IFT88: variants seen among roughly 807,000 people sequenced by gnomAD.
IFT88 encodes intraflagellar transport protein 88 homolog.
Under a neutral mutation model 119.5 loss-of-function variants are expected in IFT88, and 74 were observed. The observed-to-expected ratio is 0.62, with a 90% CI of 0.51 to 0.75. The LOEUF is 0.75. Ranked by LOEUF, IFT88 falls within the 30% of genes least tolerant of loss-of-function variation. The probability of loss-of-function intolerance (pLI) is 0.00; values close to 1 mark genes in which losing one functional copy is unlikely to be tolerated. For synonymous variants in IFT88, 279 were observed against 316.7 expected, an observed-to-expected ratio of 0.88 and a Z score of 1.26; for missense variants, 961 against 977.7, an observed-to-expected ratio of 0.98 and a Z score of 0.23.
intron 10 of IFT88, 67 bp from the exon 11 acceptor site, chr13:20,599,384 G>A: frequency 1.7e-6 from 1 of 596,352 alleles, no homozygotes; most frequent in Non-Finnish European, 2.9e-6. Flanking sequence ...TGAATTAAAA[G>A]TCATCTAAAA....
At chr13:20,600,622 T>A (rs2042432871) in intron 11 of IFT88, among the ~76,000 whole-genome samples, 1 of 152,134 alleles carries the variant, frequency 6.6e-6, no homozygotes, top group African/African-American at 2.4e-5. Context: ...AAAGAAACAA[T>A]AAGTTTTGGT....
chr13:20,603,846 C>T (rs1224004017), intron 12 of IFT88, among the ~76,000 whole-genome samples: 9 of 151,472 alleles, frequency 5.9e-5, no homozygotes, highest in South Asian at 2.1e-4. Flanking sequence ...TGCAGTGAGC[C>T]GTGATCACAC....
chr13:20,686,464 G>A (rs1239804243), intron 24 of IFT88, among the ~76,000 whole-genome samples: 1 of 152,168 alleles, frequency 6.6e-6, no homozygotes, highest in Non-Finnish European at 1.5e-5. Context: ...ATCTCCTTTT[G>A]CCTCTGCTGG....
Position 20,653,899 on chromosome 13 carries a change from TG to T in IFT88, c.1974del (p.Met659TrpfsTer2). The T allele has an allele frequency of 6.3e-7, 1 of 1,585,696 alleles. No individual in the cohort carries two copies. On this transcript the variant is annotated frameshift_variant, in exon 21 of 26. Transcript: ENST00000351808. LOFTEE classifies it high-confidence loss of function. ...AGGCCTACACAAGTGAAATGGCAGCTGATGGTAGCTAGTTGTTTCAGAAGAA... is the reference window on the plus strand; with the variant it reads ...AGGCCTACACAAGTGAAATGGCAGCTATGGTAGCTAGTTGTTTCAGAAGAA... ...LIQPTQVKWQ[L>X]MVASCFRRSG...
At chr13:20,680,360 A>G (rs565666692) in intron 24 of IFT88, among the ~76,000 whole-genome samples, 60 of 152,234 alleles carry the variant, frequency 3.9e-4, no homozygotes, top group South Asian at 6.2e-4. Flanking sequence ...TCTATCATCT[A>G]TAGAACTAGG....
chr13:20,681,248 G>A (rs2057293479), intron 24 of IFT88, among the ~76,000 whole-genome samples: 2 of 152,206 alleles, frequency 1.3e-5, no homozygotes, highest in South Asian at 4.1e-4. Flanking sequence ...AGAAGATGCC[G>A]TTTAATACAG....
chr13:20,583,450 GTTTA>G (rs2039090018), intron 3 of IFT88, among the ~76,000 whole-genome samples: 1 of 152,026 alleles, frequency 6.6e-6, no homozygotes, highest in Non-Finnish European at 1.5e-5. Flanking sequence ...ACCACATTTT[GTTTA>G]TTCATTCATC....
chr13:20,580,782 T>C (rs141680425), intron 2 of IFT88, among the ~76,000 whole-genome samples: 2 of 148,718 alleles, frequency 1.3e-5, no homozygotes, highest in African/African-American at 5.0e-5. Context: ...GTGGAGTGCA[T>C]TGGCGCGACC....
At chr13:20,679,764 C>G (rs1270397161) in intron 24 of IFT88, among the ~76,000 whole-genome samples, 2 of 152,170 alleles carry the variant, frequency 1.3e-5, no homozygotes, top group Admixed American at 1.3e-4. Flanking sequence ...TATTTTCCTT[C>G]CCAAATCTTT....
intron 13 of IFT88, among the ~76,000 whole-genome samples, chr13:20,606,325 C>T (rs1259785087): frequency 6.6e-6 from 1 of 152,144 alleles, no homozygotes; most frequent in African/African-American, 2.4e-5. Flanking sequence ...CCAGTTGTAA[C>T]AAAGCCCTCC....
At chr13:20,671,965 A>G (rs2055949657) in intron 24 of IFT88, among the ~76,000 whole-genome samples, 1 of 152,138 alleles carries the variant, frequency 6.6e-6, no homozygotes, top group African/African-American at 2.4e-5. Flanking sequence ...TGTGTGCCAA[A>G]CACTGTGCTA....
intron 14 of IFT88, among the ~76,000 whole-genome samples, chr13:20,624,395 C>T (rs889107591): frequency 7.2e-5 from 11 of 152,100 alleles, no homozygotes; most frequent in African/African-American, 2.7e-4. Flanking sequence ...CTCCCCGAAC[C>T]CTGTCCTCTT....
chr13:20,656,299 A>G, intron 21 of IFT88, 66 bp from the exon 22 acceptor site: 1 of 656,404 alleles, frequency 1.5e-6, no homozygotes, highest in Admixed American at 3.0e-5. Context: ...AGTTAAAATT[A>G]ATATTTTTCT....
intron 22 of IFT88, among the ~76,000 whole-genome samples, chr13:20,661,431 C>T (rs2053760331): frequency 6.6e-6 from 1 of 152,124 alleles, no homozygotes; most frequent in South Asian, 2.1e-4. Context: ...CAAAAAAAGA[C>T]AGTTTATAAA....
chr13:20,614,180 A>G (rs573870363), intron 13 of IFT88, among the ~76,000 whole-genome samples: 1 of 152,340 alleles, frequency 6.6e-6, no homozygotes, highest in South Asian at 2.1e-4. Flanking sequence ...ACCAAGTAGG[A>G]TTAATTCGAA....
At chr13:20,607,778 T>A (rs1192772195) in intron 13 of IFT88, 1 of 745,536 alleles carries the variant, frequency 1.3e-6, no homozygotes, top group Non-Finnish European at 2.5e-6. Context: ...TTCAGCATCC[T>A]CAACCTCGTC....
chr13:20,679,116 CTG>C (rs1393627140), intron 24 of IFT88, among the ~76,000 whole-genome samples: 1 of 152,186 alleles, frequency 6.6e-6, no homozygotes, highest in Non-Finnish European at 1.5e-5. Context: ...CACTCGTGCT[CTG>C]TTTCATTATA....
At chr13:20,626,030 CTGTT>C (rs2047238337) in intron 15 of IFT88, among the ~76,000 whole-genome samples, 181 bp downstream of exon 15, 1 of 114,160 alleles carries the variant, frequency 8.8e-6, no homozygotes. Flanking sequence ...TAATTTTTGC[CTGTT>C]TGTCGTTTCT....
intron 7 of IFT88, among the ~76,000 whole-genome samples, chr13:20,594,917 A>G (rs1008503982): frequency 6.6e-6 from 1 of 152,246 alleles, no homozygotes; most frequent in Admixed American, 6.5e-5. Context: ...GAGAACTACT[A>G]TCTATTCTGA....
Sources: allele counts gnomAD v4.1 joint callset (sites outside exome capture counted in the v4.1 genomes callset), GRCh38; gene constraint gnomAD v4.1.1; transcripts MANE v1.5; gene names NCBI Gene and HGNC (gene_info 2026-07-23, HGNC 2026-07-21).